Variants in VAX1 observed in about 807,000 individuals in gnomAD.
VAX1 encodes ventral anterior homeobox 1.
In VAX1, 6 loss-of-function variants were observed where a neutral mutation model predicts 17.6. The ratio of observed to expected loss-of-function variants is 0.34; its 90% CI spans 0.19 to 0.67. The LOEUF (loss-of-function observed/expected upper bound fraction) is 0.67, where lower values mean the gene tolerates loss of function less well. Ranked by LOEUF, VAX1 falls within the 30% of genes least tolerant of loss-of-function variation. VAX1 has a pLI of 0.69. For synonymous variants in VAX1, 256 were observed against 227.4 expected (o/e 1.13, Z -1.13); for missense variants, 408 against 463.7 (o/e 0.88, Z 1.10).
At position 117,133,663 on chromosome 10, in the gene VAX1, C is replaced by A. The variant is rs1854121834; in HGVS notation, c.*345G>T. ...GCAGCAGCCGCGGATCTAGAGCAAA[C>A]GTCCTGTGCTTTGGAGTTAGAACCA... On this transcript the variant is annotated 3_prime_UTR_variant, in exon 3 of 3. Transcript: ENST00000369206. 9.8e-7 allele frequency: 1 copy of A among 1,019,564 alleles called. No individual in the cohort carries two copies. Among genetic ancestry groups the A allele is most frequent in the African/African-American group, 1.7e-5 (1 of 58,616 alleles). The allele number at this position is 1,019,564 out of a possible 1,614,324, so 63.2% of individuals were successfully genotyped here.
At chr10:117,132,359 C>T (rs769437833), downstream of VAX1, 9 of 1,610,688 alleles carry the variant, frequency 5.6e-6, no homozygotes, top group Non-Finnish European at 7.6e-6. The surrounding 1 kb of genome is among the most constrained non-coding windows in gnomAD (Gnocchi z 4.9). Flanking sequence ...ATATATTTCA[C>T]TCTCACCACA....
In VAX1 at chr10:117,136,454, G is replaced by A. The variant is rs758113030; in HGVS notation, c.429+18C>T. 12 of 1,611,786 alleles carry A rather than the reference G, an allele frequency of 7.4e-6. No homozygotes were observed. The highest frequency in any genetic ancestry group is 1.0e-5 in the Non-Finnish European group (12 of 1,179,878). On this transcript the variant is annotated intron_variant, in intron 2 of 2. Coordinates refer to ENST00000369206, the MANE Select transcript of VAX1 (RefSeq NM_001112704.2). This position sits in a 1 kb window ranked among gnomAD's most constrained non-coding sequence, Gnocchi z 5.0. ...GGAAGGCTGGTGCAGAACTGTGTGC[G>A]GCCTGGTCGCCGGGTACCTGGGTCT...
downstream of VAX1, chr10:117,130,116 AG>A (rs1854066305): frequency 6.6e-6 from 1 of 152,196 alleles, no homozygotes; most frequent in South Asian, 2.1e-4. Flanking sequence ...CTCTGGCCCT[AG>A]GGGGAGCTTA....
At chr10:117,132,519 G>C (rs1266615841), downstream of VAX1, 26 of 1,573,360 alleles carry the variant, frequency 1.7e-5, no homozygotes, top group Non-Finnish European at 1.8e-5. This position sits in a 1 kb window ranked among gnomAD's most constrained non-coding sequence, Gnocchi z 4.9. Flanking sequence ...GAGAGTTTCC[G>C]ACGTAAATAA....
Position 117,134,180 on chromosome 10 carries a change from G to C in VAX1, c.833C>G (p.Pro278Arg). 6.6e-7 allele frequency: 1 copy of C among 1,519,292 alleles called. No individual in the cohort carries two copies. The allele number at this position is 1,519,292 out of a possible 1,614,324, so 94.1% of individuals were successfully genotyped here. A position where few individuals can be genotyped will look rare whatever the true frequency, so the allele number is the denominator to read the frequency against. ...AGHSLFSLPV[P>R]SLLGSVASRL... is the part of the protein sequence containing the mutation. ...GCTGGCGACGGAGCCGAGCAGCGAG[G>C]GCACCGGCAGGCTGAAGAGGCTGTG... Residue 278 changes from proline to arginine, a missense_variant, in exon 3 of 3, where the codon CCC (proline) becomes CGC (arginine). Physicochemically the swap from Pro to Arg is moderately radical, Grantham distance 103. This residue lies in a region of VAX1 where 196 missense variants were observed against 218.7 expected (regional missense o/e 0.90). Transcript: ENST00000369206. This position sits in a 1 kb window ranked among gnomAD's most constrained non-coding sequence, Gnocchi z 6.2.
chr10:117,135,656 G>A (rs757700154), intron 2 of VAX1, among the ~76,000 whole-genome samples: 1 of 152,256 alleles, frequency 6.6e-6, no homozygotes, highest in Admixed American at 6.5e-5. Context: ...TCAGTCTTCA[G>A]AAAGAAGGCT....
At chr10:117,132,276 T>C, downstream of VAX1, 1 of 1,614,054 alleles carries the variant, frequency 6.2e-7, no homozygotes, top group Non-Finnish European at 8.5e-7. The surrounding 1 kb of genome is among the most constrained non-coding windows in gnomAD (Gnocchi z 4.9). Flanking sequence ...TGGCTCTTTC[T>C]TCCTTTTCTT....
downstream of VAX1, chr10:117,132,481 G>GA (rs761920844): frequency 0.094 from 85,094 of 906,034 alleles, 10 homozygotes; most frequent in South Asian, 0.12. This position sits in a 1 kb window ranked among gnomAD's most constrained non-coding sequence, Gnocchi z 4.9. Context: ...TATTTGCCTA[G>GA]AAAAAAAAAA....
At position 117,134,541 on chromosome 10, in the gene VAX1, CCTT is replaced by C. The variant is rs1199626010; in HGVS notation, c.469_471del (p.Lys157del). ...CGTAGCTCCGAGTCCTTGCCCTGGTCCTTCTTCTGCTTGGTGCGCCGGTTCTGG... is the reference window on the plus strand; with the variant it reads ...CGTAGCTCCGAGTCCTTGCCCTGGTCCTTCTGCTTGGTGCGCCGGTTCTGG... On this transcript the variant is annotated inframe_deletion, in exon 3 of 3. Transcript: ENST00000369206. The surrounding 1 kb of genome is among the most constrained non-coding windows in gnomAD (Gnocchi z 6.2). 1.3e-6 allele frequency: 2 copies of C among 1,528,608 alleles called. No homozygotes were observed. The highest frequency in any genetic ancestry group is 1.4e-5 in the African/African-American group (1 of 70,590). 94.7% of individuals were successfully genotyped at this position (1,528,608 alleles called of 1,614,324 possible).
Position 117,137,148 on chromosome 10 carries a change from C to T in VAX1, c.242-489G>A, listed in dbSNP as rs1012873665. Among the ~76,000 whole-genome samples, 6 of 151,750 alleles carry T rather than the reference C, an allele frequency of 4.0e-5. No individual in the cohort carries two copies. The highest frequency in any genetic ancestry group is 1.2e-4 in the African/African-American group (5 of 41,374). On this transcript the variant is annotated intron_variant, in intron 1 of 2. Transcript: ENST00000369206. The surrounding 1 kb of genome is among the most constrained non-coding windows in gnomAD (Gnocchi z 7.4). Reference sequence around the variant, plus strand: ...AGGGACTGAGTCGGGGCCGGCCGGGCCCGGAGATCTGCTGCTGGCTGGGGC... The same window carrying T: ...AGGGACTGAGTCGGGGCCGGCCGGGTCCGGAGATCTGCTGCTGGCTGGGGC...
At chr10:117,132,196 G>T (rs1244494174), downstream of VAX1, 1 of 1,604,570 alleles carries the variant, frequency 6.2e-7, no homozygotes, top group South Asian at 1.1e-5. This position sits in a 1 kb window ranked among gnomAD's most constrained non-coding sequence, Gnocchi z 4.9. Context: ...GGTACCAGTC[G>T]CAGGGCCCCG....
downstream of VAX1, chr10:117,132,400 T>C (rs775074358): frequency 6.2e-7 from 1 of 1,611,538 alleles, no homozygotes; most frequent in Non-Finnish European, 8.5e-7. This position sits in a 1 kb window ranked among gnomAD's most constrained non-coding sequence, Gnocchi z 4.9. Flanking sequence ...ATCCAAAACA[T>C]TCAGAACAAA....
At position 117,134,458 on chromosome 10, in the gene VAX1, GC is replaced by G; in HGVS notation, c.554del (p.Gly185AlafsTer109). On this transcript the variant is annotated frameshift_variant, in exon 3 of 3. Coordinates refer to ENST00000369206, the MANE Select transcript of VAX1 (RefSeq NM_001112704.2). LOFTEE classifies it low-confidence loss of function (END_TRUNC). The surrounding 1 kb of genome is among the most constrained non-coding windows in gnomAD (Gnocchi z 6.2). Reference protein sequence around the residue: ...TCSVLRLLEQGRLLSPPGLPA... With the variant: ...TCSVLRLLEQXRLLSPPGLPA... Reference sequence around the variant, plus strand: ...GCAGGCCGGGCGGCGACAACAGGCGGCCCTGCTCCAGCAGCCGTAGCACGCT... The same window carrying G: ...GCAGGCCGGGCGGCGACAACAGGCGGCCTGCTCCAGCAGCCGTAGCACGCT... The G allele has an allele frequency of 6.6e-7, 1 of 1,516,756 alleles. No individual in the cohort carries two copies. Among genetic ancestry groups the G allele is most frequent in the Non-Finnish European group, 8.8e-7 (1 of 1,138,446 alleles). 94.0% of individuals were successfully genotyped at this position (1,516,756 alleles called of 1,614,324 possible).
Position 117,134,024 on chromosome 10 carries a change from T to A in VAX1, c.989A>T (p.Lys330Ile). The A allele has an allele frequency of 6.6e-7, 1 of 1,522,948 alleles. No homozygotes were observed. The highest frequency in any genetic ancestry group is 8.8e-7 in the Non-Finnish European group (1 of 1,134,694). The allele number at this position is 1,522,948 out of a possible 1,614,324, so 94.3% of individuals were successfully genotyped here. Residue 330 changes from lysine (K) to isoleucine (I), a missense_variant, in exon 3 of 3, where the codon AAA becomes ATA. This residue lies in a region of VAX1 where 196 missense variants were observed against 218.7 expected (regional missense o/e 0.90). Coordinates refer to ENST00000369206, the MANE Select transcript of VAX1 (RefSeq NM_001112704.2). The surrounding 1 kb of genome is among the most constrained non-coding windows in gnomAD (Gnocchi z 6.2). Reference protein sequence around the residue: ...SRTNNKEGAEKKALD With the variant: ...SRTNNKEGAEIKALD ...CACTTAAAATCAGTCCAGCGCTTTT[T>A]TCTCGGCCCCTTCTTTATTGTTGGT...
rs1589947962 is a variant in VAX1, at chr10:117,137,726, C to T, written c.241+90G>A. 25 of 1,597,188 alleles carry T rather than the reference C, an allele frequency of 1.6e-5. No individual in the cohort carries two copies. The highest frequency in any genetic ancestry group is 2.7e-5 in the African/African-American group (2 of 74,610). ...TTCTCCCAAGTCCCAGCCGGCACTC[C>T]TTCCCACCGGCCTGTGTCGGCGGCA... is the stretch of plus-strand genomic sequence containing the variant. On this transcript the variant is annotated intron_variant, in intron 1 of 2. Coordinates refer to ENST00000369206, the MANE Select transcript of VAX1 (RefSeq NM_001112704.2). The surrounding 1 kb of genome is among the most constrained non-coding windows in gnomAD (Gnocchi z 7.4).
At position 117,136,878 on chromosome 10, in the gene VAX1, T is replaced by A. The variant is rs1854188410; in HGVS notation, c.242-219A>T. On this transcript the variant is annotated intron_variant, in intron 1 of 2. Transcript: ENST00000369206. This position sits in a 1 kb window ranked among gnomAD's most constrained non-coding sequence, Gnocchi z 5.0. Reference sequence around the variant, plus strand: ...GAAGGAGGGACCACACTTTGTCTTTTTGTAGAGTCCTCCAGACAGGGGAGA... The same window carrying A: ...GAAGGAGGGACCACACTTTGTCTTTATGTAGAGTCCTCCAGACAGGGGAGA... Among the ~76,000 whole-genome samples the A allele has an allele frequency of 6.6e-6, 1 of 152,154 alleles. No homozygotes were observed. Among genetic ancestry groups the A allele is most frequent in the Non-Finnish European group, 1.5e-5 (1 of 68,018 alleles).
At chr10:117,132,162 C>T (rs1854093591), downstream of VAX1, 1 of 1,579,920 alleles carries the variant, frequency 6.3e-7, no homozygotes, top group East Asian at 2.2e-5. This position sits in a 1 kb window ranked among gnomAD's most constrained non-coding sequence, Gnocchi z 4.9. Context: ...CGAAATCCGC[C>T]CAAACCTCAT....
Position 117,136,692 on chromosome 10 carries a change from C to T in VAX1, c.242-33G>A. ...AGGGGAGATGTCAGCCGCCAGAACC[C>T]TCCCGTCCCCCTCCACCTCCTTGGC... is the stretch of plus-strand genomic sequence containing the variant. On this transcript the variant is annotated intron_variant, in intron 1 of 2. Transcript: ENST00000369206. The surrounding 1 kb of genome is among the most constrained non-coding windows in gnomAD (Gnocchi z 5.0). 6.3e-7 allele frequency: 1 copy of T among 1,589,570 alleles called. No individual in the cohort carries two copies. Among genetic ancestry groups the T allele is most frequent in the South Asian group, 1.1e-5 (1 of 89,374 alleles).
rs1474831275 is a variant in VAX1, at chr10:117,138,179, A to AC, written c.-124dup. 8.6e-7 allele frequency: 1 copy of AC among 1,162,058 alleles called. No individual in the cohort carries two copies. The highest frequency in any genetic ancestry group is 1.2e-6 in the Non-Finnish European group (1 of 834,454). 72.0% of individuals were successfully genotyped at this position (1,162,058 alleles called of 1,614,324 possible). A position where few individuals can be genotyped will look rare whatever the true frequency, so the allele number is the denominator to read the frequency against. On this transcript the variant is annotated 5_prime_UTR_variant, in exon 1 of 3. Coordinates refer to ENST00000369206, the MANE Select transcript of VAX1 (RefSeq NM_001112704.2). ...CAAAACCCCCGACAACGCGGCCCGT[A>AC]CGCCCGGCCCGGCGACAGGCAAGGG...
Sources: allele counts gnomAD v4.1 joint callset (sites outside exome capture counted in the v4.1 genomes callset), GRCh38; gene constraint gnomAD v4.1.1; regional missense constraint gnomAD v4.1.1; non-coding constraint Gnocchi (gnomAD v3.1); transcripts MANE v1.5; gene names NCBI Gene and HGNC (gene_info 2026-07-23, HGNC 2026-07-21).